Variants in TES observed in about 807,000 individuals in gnomAD.
The protein encoded by TES is testin.
TES carries 41 observed loss-of-function variants against 48.2 expected under a neutral mutation model. The observed-to-expected ratio is 0.85, with a 90% CI of 0.66 to 1.10. The LOEUF is 1.10. Among genes scored for constraint, TES ranks in the 50% least tolerant of loss-of-function variants. The pLI is 0.00. For missense variants in TES, 463 were observed against 515.1 expected (o/e 0.90, Z 0.98); for synonymous variants, 162 against 174.9 (o/e 0.93, Z 0.58).
chr7:116,257,227 C>T, intron 6 of TES, 67 bp from the exon 7 acceptor site: 1 of 1,421,004 alleles, frequency 7.0e-7, no homozygotes, highest in Non-Finnish European at 9.5e-7. Flanking sequence ...GAAATATGTC[C>T]TAAGATGAAA....
At chr7:116,215,724 A>G (rs1239053065) in intron 1 of TES, among the ~76,000 whole-genome samples, 5 of 152,092 alleles carry the variant, frequency 3.3e-5, no homozygotes, top group Non-Finnish European at 5.9e-5. Flanking sequence ...ATCTGGAACT[A>G]TAAAGGGATG....
At chr7:116,245,496 C>T (rs949992537) in intron 2 of TES, among the ~76,000 whole-genome samples, 2 of 152,150 alleles carry the variant, frequency 1.3e-5, no homozygotes, top group Admixed American at 6.5e-5. Flanking sequence ...TTTGGTAAAA[C>T]TCATTCAACA....
At chr7:116,214,518 C>T (rs192516722) in intron 1 of TES, among the ~76,000 whole-genome samples, 4 of 152,226 alleles carry the variant, frequency 2.6e-5, no homozygotes, top group African/African-American at 4.8e-5. Context: ...AGGTGTTCTG[C>T]CTCTCTGAAC....
intron 2 of TES, among the ~76,000 whole-genome samples, chr7:116,242,539 GTC>G (rs1799864074): frequency 2.0e-5 from 1 of 51,062 alleles, no homozygotes; most frequent in Non-Finnish European, 3.8e-5. Flanking sequence ...CTCTCTCTCT[GTC>G]TCTGTCTCGG....
chr7:116,255,396 A>G (rs1203416144), intron 6 of TES, among the ~76,000 whole-genome samples: 1 of 152,228 alleles, frequency 6.6e-6, no homozygotes, highest in East Asian at 1.9e-4. Context: ...GCCTGGGCCA[A>G]TTTTAGATTT....
intron 6 of TES, among the ~76,000 whole-genome samples, chr7:116,254,752 A>ATGTG (rs1399314066): frequency 2.4e-5 from 2 of 83,670 alleles, no homozygotes; most frequent in African/African-American, 4.7e-5. Context: ...AAAAAAATAT[A>ATGTG]TATATATGTG....
rs144105719 is a variant in TES at position 116,249,259 on chromosome 7, A to G, written c.353A>G (p.Gln118Arg). Residue 118 changes from glutamine (Q) to arginine (R), a missense_variant, in exon 3 of 7, where the codon CAG (glutamine) becomes CGG (arginine). Gln to Arg is a conservative substitution (Grantham distance 43). Transcript: ENST00000358204. ...TVTYEWAPPVQNQALARQYMQ... is the reference protein window; with the variant it reads ...TVTYEWAPPVRNQALARQYMQ... ...ACCTATGAGTGGGCTCCTCCTGTCCAGAATCAAGCATTGGTAAATGATATG... is the reference window on the plus strand; with the variant it reads ...ACCTATGAGTGGGCTCCTCCTGTCCGGAATCAAGCATTGGTAAATGATATG... 6.9e-5 allele frequency: 112 copies of G among 1,614,086 alleles called. No homozygotes were observed. In the African/African-American group the frequency reaches 1.3e-3, roughly 18 times the overall value.
chr7:116,236,140 T>C (rs1340280373), intron 2 of TES, among the ~76,000 whole-genome samples: 1 of 152,224 alleles, frequency 6.6e-6, no homozygotes, highest in Non-Finnish European at 1.5e-5. Flanking sequence ...TTTTCATGAA[T>C]TAGAACATCT....
chr7:116,220,864 G>A (rs911586521), intron 1 of TES, among the ~76,000 whole-genome samples: 1 of 152,114 alleles, frequency 6.6e-6, no homozygotes, highest in Admixed American at 6.6e-5. Context: ...AAGGATAATC[G>A]AGATGAATAT....
At chr7:116,230,123 T>C (rs1799678647) in intron 1 of TES, among the ~76,000 whole-genome samples, 1 of 152,208 alleles carries the variant, frequency 6.6e-6, no homozygotes, top group Non-Finnish European at 1.5e-5. Flanking sequence ...AAACTTGGTG[T>C]CATTTTTGTT....
At chr7:116,249,298 C>A in intron 3 of TES, 26 bp downstream of exon 3, 1 of 1,613,178 alleles carries the variant, frequency 6.2e-7, no homozygotes, top group Non-Finnish European at 8.5e-7. Context: ...CAGAGAGTTT[C>A]TTTATTGAAG....
At chr7:116,231,456 G>A (rs1799699100) in intron 1 of TES, among the ~76,000 whole-genome samples, 3 of 151,886 alleles carry the variant, frequency 2.0e-5, no homozygotes, top group Middle Eastern at 3.4e-3. Context: ...TGTGCCCAAG[G>A]TGGTCAGGCT....
chr7:116,210,889 C>T (rs1479435324), intron 1 of TES, 155 bp downstream of exon 1: 3 of 554,180 alleles, frequency 5.4e-6, no homozygotes, highest in African/African-American at 4.0e-5. Context: ...GACCTGGCCC[C>T]CTGGGTAGAG....
At chr7:116,218,085 T>G (rs1489146217) in intron 1 of TES, 2 of 387,790 alleles carry the variant, frequency 5.2e-6, no homozygotes, top group African/African-American at 4.2e-5. Flanking sequence ...GAGAGCGTTA[T>G]TAGAAGCCAG....
chr7:116,227,899 A>G (rs1799643700), intron 1 of TES, among the ~76,000 whole-genome samples: 1 of 152,184 alleles, frequency 6.6e-6, no homozygotes, highest in Non-Finnish European at 1.5e-5. Flanking sequence ...AAACAGCATG[A>G]ATCAGATGAT....
intron 2 of TES, among the ~76,000 whole-genome samples, chr7:116,247,422 T>A (rs1448254587): frequency 6.6e-6 from 1 of 152,212 alleles, no homozygotes; most frequent in East Asian, 1.9e-4. Context: ...TTTTATTATT[T>A]ATTTTATTCA....
chr7:116,257,041 A>G (rs1431269498), intron 6 of TES, among the ~76,000 whole-genome samples: 2 of 152,204 alleles, frequency 1.3e-5, no homozygotes, highest in Non-Finnish European at 2.9e-5. Flanking sequence ...TCTGCCTTGA[A>G]TGCCATGAAG....
chr7:116,238,904 A>G (rs1044019282), intron 2 of TES: 3 of 152,494 alleles, frequency 2.0e-5, no homozygotes, highest in African/African-American at 7.2e-5. Flanking sequence ...CCCAGCCAAC[A>G]TCCATTATTT....
intron 2 of TES, among the ~76,000 whole-genome samples, chr7:116,244,651 T>C (rs1176567275): frequency 6.6e-6 from 1 of 152,320 alleles, no homozygotes; most frequent in Admixed American, 6.5e-5. Context: ...GGTGGCCCTC[T>C]TCTCACAGCT....
Sources: gnomAD v4.1 joint callset for allele counts (sites outside exome capture counted in the v4.1 genomes callset) on GRCh38, gnomAD v4.1.1 for gene constraint, MANE v1.5 for transcripts, NCBI Gene and HGNC (gene_info 2026-07-23, HGNC 2026-07-21) for gene names.